The following SLAMF6 variants were observed in gnomAD, a reference collection of about 807,000 sequenced individuals.
The protein encoded by SLAMF6 is NK-T-B-antigen.
Under a neutral mutation model 38.3 loss-of-function variants are expected in SLAMF6, and 21 were observed. That is an observed-to-expected ratio of 0.55 (90% CI 0.39 to 0.79). The LOEUF (loss-of-function observed/expected upper bound fraction) is 0.79. Ranked by LOEUF, SLAMF6 falls within the 30% of genes least tolerant of loss-of-function variation. The probability of loss-of-function intolerance (pLI) is 0.00; values close to 1 mark genes in which losing one functional copy is unlikely to be tolerated. For missense variants in SLAMF6, 341 were observed against 385.3 expected, an observed-to-expected ratio of 0.89 and a Z score of 0.96; for synonymous variants, 152 against 146.3, an observed-to-expected ratio of 1.04 and a Z score of -0.28.
chr1:160,511,986 G>T (rs1301061139), intron 1 of SLAMF6, among the ~76,000 whole-genome samples: 1 of 152,190 alleles, frequency 6.6e-6, no homozygotes, highest in South Asian at 2.1e-4. Context: ...TTTTTCCATG[G>T]ATCTGTGCAA....
At chr1:160,506,611 T>C (rs764326663) in intron 1 of SLAMF6, among the ~76,000 whole-genome samples, 15 of 152,194 alleles carry the variant, frequency 9.9e-5, no homozygotes, top group Non-Finnish European at 2.1e-4. Context: ...TCTGACTGCA[T>C]AGATTAATAC....
intron 1 of SLAMF6, among the ~76,000 whole-genome samples, chr1:160,511,588 C>T (rs1365664899): frequency 6.6e-6 from 1 of 152,034 alleles, no homozygotes; most frequent in South Asian, 2.1e-4. Flanking sequence ...GTATCGATCA[C>T]CTAAATATAA....
intron 6 of SLAMF6, among the ~76,000 whole-genome samples, chr1:160,488,670 CAG>C (rs1179845294): frequency 6.6e-6 from 1 of 152,130 alleles, no homozygotes; most frequent in African/African-American, 2.4e-5. Context: ...CCCCTACATG[CAG>C]AGTGAGAAGT....
intron 3 of SLAMF6, 34 bp downstream of exon 3, chr1:160,491,091 G>C (rs372440057): frequency 6.2e-6 from 10 of 1,610,742 alleles, no homozygotes; most frequent in Non-Finnish European, 8.5e-6. Context: ...CCCCATAGCT[G>C]CTCAAGGCTC....
chr1:160,509,234 G>A lies in SLAMF6; in HGVS notation c.50-12841C>T, dbSNP rs141206537. On this transcript the variant is annotated intron_variant, in intron 1 of 7. Coordinates refer to ENST00000368057, the MANE Select transcript of SLAMF6 (RefSeq NM_001184714.2). ...GTTTGTTGTGGCACTATTCACAATAGCAAAGATTTGGAACCAACCCAAATG... is the reference window on the plus strand; with the variant it reads ...GTTTGTTGTGGCACTATTCACAATAACAAAGATTTGGAACCAACCCAAATG... Among the ~76,000 whole-genome samples, 1,016 of 152,312 alleles carry A rather than the reference G, an allele frequency of 6.7e-3. 15 individuals carry two copies. Among genetic ancestry groups the A allele is most frequent in the African/African-American group, 0.023 (957 of 41,558 alleles).
chr1:160,503,288 T>G (rs1654008115), intron 1 of SLAMF6, among the ~76,000 whole-genome samples: 1 of 152,096 alleles, frequency 6.6e-6, no homozygotes, highest in Admixed American at 6.5e-5. Flanking sequence ...AACTGACAAG[T>G]CATCAATAAA....
rs1654779099 is a variant in SLAMF6, at chr1:160,517,099, G to T, written c.49+6045C>A. On this transcript the variant is annotated intron_variant, in intron 1 of 7. Coordinates refer to ENST00000368057, the MANE Select transcript of SLAMF6 (RefSeq NM_001184714.2). The stretch of plus-strand genomic sequence containing the variant: ...ACCTACAGAGTGGGAGAAAATTTTT[G>T]CAATCTATTCATCTGTTAAAGGTCT... Among the ~76,000 whole-genome samples the T allele has an allele frequency of 1.3e-5, 2 of 152,026 alleles. 1 individual carries two copies. Among genetic ancestry groups the T allele is most frequent in the South Asian group, 4.1e-4 (2 of 4,828 alleles).
At position 160,486,068 on chromosome 1, in the gene SLAMF6, C is replaced by T. The variant is rs1239795995; in HGVS notation, c.*639G>A. 1 of 152,388 alleles carries T rather than the reference C, an allele frequency of 6.6e-6. No homozygotes were observed. The highest frequency in any genetic ancestry group is 1.5e-5 in the Non-Finnish European group (1 of 68,118). 9.4% of individuals were successfully genotyped at this position (152,388 alleles called of 1,614,324 possible). A position where few individuals can be genotyped will look rare whatever the true frequency, so the allele number is the denominator to read the frequency against. On this transcript the variant is annotated 3_prime_UTR_variant, in exon 8 of 8. Coordinates refer to ENST00000368057, the MANE Select transcript of SLAMF6 (RefSeq NM_001184714.2). ...ATCCAAAAATCCAATATCCAAAATG[C>T]TCCAAAATCTGAGATTTTGAGCACT...
At chr1:160,511,033 G>C (rs1040416376) in intron 1 of SLAMF6, among the ~76,000 whole-genome samples, 2 of 152,106 alleles carry the variant, frequency 1.3e-5, no homozygotes, top group Admixed American at 6.6e-5. Flanking sequence ...AACCAGAGAA[G>C]TTCAAGATAA....
At chr1:160,507,341 A>G (rs1413436003) in intron 1 of SLAMF6, among the ~76,000 whole-genome samples, 1 of 152,134 alleles carries the variant, frequency 6.6e-6, no homozygotes, top group Non-Finnish European at 1.5e-5. Flanking sequence ...AAAAAGTTAT[A>G]ACAATTATAA....
chr1:160,497,687 G>A (rs921736734), intron 1 of SLAMF6, among the ~76,000 whole-genome samples: 6 of 152,030 alleles, frequency 3.9e-5, no homozygotes, highest in Non-Finnish European at 7.4e-5. Context: ...TTATGTCCAT[G>A]TGTGCTCAGT....
chr1:160,510,038 C>T (rs918874829), intron 1 of SLAMF6, among the ~76,000 whole-genome samples: 4 of 151,654 alleles, frequency 2.6e-5, no homozygotes, highest in Admixed American at 1.3e-4. Flanking sequence ...CATAAAATAC[C>T]AAGACTGACT....
chr1:160,487,309 C>T, intron 6 of SLAMF6, 134 bp from the exon 7 acceptor site: 2 of 747,094 alleles, frequency 2.7e-6, no homozygotes, highest in Non-Finnish European at 4.3e-6. Context: ...GGGGAATGTT[C>T]AGTGGAAGAC....
Position 160,489,223 on chromosome 1 carries a change from C to T in SLAMF6, c.797-53G>A. ...GGCACAAGGACTCTGGGACTTCTCT[C>T]CCAGGACTTCTCCCTCCCCAGAGCA... On this transcript the variant is annotated intron_variant, in intron 5 of 7. Coordinates refer to ENST00000368057, the MANE Select transcript of SLAMF6 (RefSeq NM_001184714.2). 2.5e-6 allele frequency: 4 copies of T among 1,577,840 alleles called. No homozygotes were observed. In the South Asian group the frequency reaches 4.4e-5, roughly 17 times the overall value.
At chr1:160,521,548 A>G (rs1200896879) in intron 1 of SLAMF6, among the ~76,000 whole-genome samples, 3 of 152,190 alleles carry the variant, frequency 2.0e-5, no homozygotes, top group Non-Finnish European at 4.4e-5. Flanking sequence ...TCTTGAATGA[A>G]GGAAAGAATT....
intron 1 of SLAMF6, among the ~76,000 whole-genome samples, chr1:160,503,960 G>T (rs940682940): frequency 1.2e-4 from 18 of 146,348 alleles, no homozygotes; most frequent in African/African-American, 4.6e-4. Context: ...AGAGGTTGCA[G>T]TGAGCTGAGA....
At chr1:160,512,206 G>A (rs544788343) in intron 1 of SLAMF6, among the ~76,000 whole-genome samples, 1 of 152,184 alleles carries the variant, frequency 6.6e-6, no homozygotes, top group African/African-American at 2.4e-5. Flanking sequence ...GAACCAGGAG[G>A]AATTCCCCAT....
chr1:160,491,000 T>C (rs565282199), intron 3 of SLAMF6, 125 bp downstream of exon 3: 2 of 1,230,226 alleles, frequency 1.6e-6, no homozygotes, highest in Admixed American at 3.9e-5. Flanking sequence ...CCAGAGGGCA[T>C]CTGTCCCCTC....
intron 1 of SLAMF6, among the ~76,000 whole-genome samples, chr1:160,515,403 T>C (rs1450127674): frequency 6.6e-6 from 1 of 152,118 alleles, no homozygotes; most frequent in East Asian, 1.9e-4. Context: ...ACCAGAAGGA[T>C]TTACAGCTGA....
Sources: gnomAD v4.1 joint callset for allele counts (sites outside exome capture counted in the v4.1 genomes callset) on GRCh38, gnomAD v4.1.1 for gene constraint, MANE v1.5 for transcripts, NCBI Gene and HGNC (gene_info 2026-07-23, HGNC 2026-07-21) for gene names.